Variants in THSD7B observed in about 807,000 individuals in gnomAD.
THSD7B encodes thrombospondin type 1 domain containing 7B.
A neutral mutation model predicts 213.6 loss-of-function variants in THSD7B; 138 were observed. That is an observed-to-expected ratio of 0.65 (90% CI 0.56 to 0.74). The LOEUF (loss-of-function observed/expected upper bound fraction) is 0.74. Ranked by LOEUF, THSD7B falls within the 30% of genes least tolerant of loss-of-function variation. The pLI is 0.00. For missense variants in THSD7B, 1,931 were observed against 1,991.5 expected, an observed-to-expected ratio of 0.97 and a Z score of 0.58; for synonymous variants, 742 against 687.0, an observed-to-expected ratio of 1.08 and a Z score of -1.25.
At chr2:137,252,330 T>G (rs1682203420) in intron 10 of THSD7B, among the ~76,000 whole-genome samples, 1 of 148,900 alleles carries the variant, frequency 6.7e-6, no homozygotes, top group Admixed American at 6.7e-5. Flanking sequence ...ATAACAGATC[T>G]GGCAGATGTC....
At chr2:137,624,132 A>G (rs572165650) in intron 20 of THSD7B, among the ~76,000 whole-genome samples, 6 of 152,338 alleles carry the variant, frequency 3.9e-5, no homozygotes, top group Admixed American at 3.9e-4. Context: ...AAACAGAGAT[A>G]TAGACCAATG....
At chr2:137,390,574 A>G (rs1686000289) in intron 12 of THSD7B, among the ~76,000 whole-genome samples, 1 of 152,188 alleles carries the variant, frequency 6.6e-6, no homozygotes, top group Non-Finnish European at 1.5e-5. Flanking sequence ...ACTACATCGA[A>G]TAAAAGTAGT....
intron 15 of THSD7B, among the ~76,000 whole-genome samples, chr2:137,478,565 A>G (rs1324299269): frequency 2.0e-5 from 3 of 151,898 alleles, no homozygotes; most frequent in Non-Finnish European, 4.4e-5. Context: ...CAAAAATTTC[A>G]TATTTTTCAT....
chr2:137,316,475 T>G (rs2104871907), intron 12 of THSD7B, among the ~76,000 whole-genome samples: 1 of 152,290 alleles, frequency 6.6e-6, no homozygotes, highest in East Asian at 1.9e-4. Flanking sequence ...AAGAACTAAC[T>G]GCTGTTAAGA....
intron 2 of THSD7B, among the ~76,000 whole-genome samples, chr2:136,970,199 C>T (rs890293688): frequency 1.1e-4 from 17 of 152,238 alleles, no homozygotes; most frequent in African/African-American, 3.9e-4. Flanking sequence ...CATGGTGGCT[C>T]ATACCTGTAA....
intron 5 of THSD7B, among the ~76,000 whole-genome samples, chr2:137,133,751 C>G (rs1201307357): frequency 6.6e-6 from 1 of 152,062 alleles, no homozygotes; most frequent in East Asian, 1.9e-4. Flanking sequence ...TTTTGTTTCA[C>G]CAAATATATC....
At chr2:137,001,847 CT>C (rs796382959) in intron 2 of THSD7B, among the ~76,000 whole-genome samples, 11 of 152,272 alleles carry the variant, frequency 7.2e-5, no homozygotes, top group African/African-American at 2.4e-4. Context: ...ACTTTTCTGA[CT>C]TTTAATTGCA....
chr2:136,794,794 A>G (rs765376053), intron 1 of THSD7B, among the ~76,000 whole-genome samples: 1 of 151,842 alleles, frequency 6.6e-6, no homozygotes, highest in Non-Finnish European at 1.5e-5. Flanking sequence ...AGTTGTTAAA[A>G]TCTCCAATGA....
chr2:137,542,917 G>A (rs62168011), intron 15 of THSD7B, among the ~76,000 whole-genome samples: 14,396 of 151,742 alleles, frequency 0.095, 875 homozygotes, highest in Middle Eastern at 0.17. Flanking sequence ...TGCTGCTATA[G>A]CAAATTATCA....
intron 12 of THSD7B, among the ~76,000 whole-genome samples, chr2:137,291,972 A>G (rs1189886298): frequency 1.3e-5 from 2 of 152,120 alleles, no homozygotes; most frequent in Non-Finnish European, 2.9e-5. Context: ...CTCAAGGGAC[A>G]TTTGCAACAT....
chr2:136,990,852 A>T, intron 2 of THSD7B: 1 of 1,318,748 alleles, frequency 7.6e-7, no homozygotes, highest in Admixed American at 2.2e-5. Context: ...TTCACAAATT[A>T]AAATTCCCTT....
In THSD7B at chr2:137,088,252, A is replaced by G. The variant is rs577116774; in HGVS notation, c.951-6621A>G. Among the ~76,000 whole-genome samples, 4 of 152,204 alleles carry G rather than the reference A, an allele frequency of 2.6e-5. No homozygotes were observed. In the South Asian group the frequency reaches 8.3e-4, roughly 32 times the overall value. On this transcript the variant is annotated intron_variant, in intron 3 of 27. Coordinates refer to ENST00000409968, the MANE Select transcript of THSD7B (RefSeq NM_001316349.2). ...AAGACTCTGTCTCAAAAAAATAAAA[A>G]AAAAATAAAATTAAATTTAAAAAAA...
At chr2:136,977,425 A>AT (rs74664228) in intron 2 of THSD7B, among the ~76,000 whole-genome samples, 39,253 of 151,774 alleles carry the variant, frequency 0.26, 5,567 homozygotes, top group East Asian at 0.58. Context: ...GGGTTTGTTG[A>AT]TTTTTTTGAA....
intron 15 of THSD7B, among the ~76,000 whole-genome samples, chr2:137,453,521 G>T (rs984789076): frequency 6.6e-6 from 1 of 151,778 alleles, no homozygotes; most frequent in Non-Finnish European, 1.5e-5. Flanking sequence ...AGTAGAGACA[G>T]GGTTTCACTG....
intron 15 of THSD7B, among the ~76,000 whole-genome samples, chr2:137,519,796 T>C (rs1680145085): frequency 6.6e-6 from 1 of 152,228 alleles, no homozygotes; most frequent in Non-Finnish European, 1.5e-5. Context: ...ATGTAAACTT[T>C]CTTATAATTT....
At chr2:137,308,630 A>G (rs1573949965) in intron 12 of THSD7B, among the ~76,000 whole-genome samples, 3 of 152,160 alleles carry the variant, frequency 2.0e-5, no homozygotes, top group East Asian at 3.9e-4. Flanking sequence ...TCAAAATACA[A>G]TTTGCTTTAT....
intron 12 of THSD7B, among the ~76,000 whole-genome samples, chr2:137,301,488 G>T (rs1683599470): frequency 6.6e-6 from 1 of 152,054 alleles, no homozygotes; most frequent in African/African-American, 2.4e-5. Flanking sequence ...TATGATATCG[G>T]CATGGTGACA....
At chr2:136,866,961 T>G (rs1430058808) in intron 1 of THSD7B, among the ~76,000 whole-genome samples, 2 of 152,172 alleles carry the variant, frequency 1.3e-5, no homozygotes, top group Non-Finnish European at 2.9e-5. Flanking sequence ...TTTCATTAAT[T>G]GTATTATATC....
At chr2:136,981,135 G>A (rs935785389) in intron 2 of THSD7B, among the ~76,000 whole-genome samples, 1 of 152,194 alleles carries the variant, frequency 6.6e-6, no homozygotes, top group African/African-American at 2.4e-5. Context: ...TTGTAAAAGA[G>A]TGAATGTAAC....
Sources: allele counts gnomAD v4.1 joint callset (sites outside exome capture counted in the v4.1 genomes callset), GRCh38; gene constraint gnomAD v4.1.1; transcripts MANE v1.5; gene names NCBI Gene and HGNC (gene_info 2026-07-23, HGNC 2026-07-21).